The following LINGO2 variants were observed in gnomAD, a reference collection of about 807,000 sequenced individuals.
LINGO2 encodes leucine rich repeat and Ig domain containing 2, also known as leucine-rich repeat and immunoglobulin-like domain-containing nogo receptor-interacting protein 2.
A neutral mutation model predicts 30.6 loss-of-function variants in LINGO2; 14 were observed. That is an observed-to-expected ratio of 0.46 (90% CI 0.30 to 0.72). The LOEUF is 0.72. LINGO2 is among the 30% of genes least tolerant of loss of function. LINGO2 has a pLI of 0.07. For synonymous variants in LINGO2, 317 were observed against 288.5 expected, an observed-to-expected ratio of 1.10 and a Z score of -1.00; for missense variants, 729 against 751.7, an observed-to-expected ratio of 0.97 and a Z score of 0.35.
the LINGO2 span, among the ~76,000 whole-genome samples, chr9:28,777,530 A>T: frequency 1.3e-5 from 2 of 152,214 alleles, no homozygotes; most frequent in East Asian, 3.9e-4. Flanking sequence ...TGTAGCTCAA[A>T]CTGTGTGCCA....
At chr9:28,805,844 G>GA in the LINGO2 span, among the ~76,000 whole-genome samples, 2 of 151,718 alleles carry the variant, frequency 1.3e-5, no homozygotes, top group African/African-American at 4.8e-5. Flanking sequence ...ATGGGTTTTG[G>GA]AAAAAGTACC....
At chr9:28,049,766 A>G (rs1173900900) in intron 4 of LINGO2, among the ~76,000 whole-genome samples, 4 of 150,452 alleles carry the variant, frequency 2.7e-5, no homozygotes, top group African/African-American at 2.5e-5. Context: ...AACCAAGTAC[A>G]AGGTGGGATG....
chr9:28,118,053 G>A lies in LINGO2; in HGVS notation c.-86-105648C>T, dbSNP rs116428643. 6.9e-3 allele frequency among the ~76,000 whole-genome samples: 1,051 copies of A among 152,156 alleles called. 10 individuals are homozygous for A. Among genetic ancestry groups the A allele is most frequent in the African/African-American group, 0.024 (994 of 41,496 alleles). On this transcript the variant is annotated intron_variant, in intron 4 of 5. Transcript: ENST00000379992. ...AAATAAGAACACATGGACATAGGGA[G>A]GGGAACAACACACAGTGGGGCCTGT...
intron 1 of LINGO2, among the ~76,000 whole-genome samples, chr9:28,588,460 A>G (rs1248862404): frequency 6.6e-6 from 1 of 151,908 alleles, no homozygotes; most frequent in East Asian, 1.9e-4. Context: ...ATTATAAGAC[A>G]TGAAGTCCTA....
the LINGO2 span, among the ~76,000 whole-genome samples, chr9:28,865,953 A>C: frequency 3.3e-5 from 5 of 152,160 alleles, no homozygotes; most frequent in Admixed American, 3.3e-4. Context: ...TCTTGTTGCT[A>C]TTCTTTCACT....
At chr9:28,205,122 G>A (rs1163010394) in intron 4 of LINGO2, among the ~76,000 whole-genome samples, 1 of 152,160 alleles carries the variant, frequency 6.6e-6, no homozygotes, top group African/African-American at 2.4e-5. Flanking sequence ...AAATTATCAG[G>A]ACCCTGTCTA....
chr9:28,557,387 C>T (rs1360803243), intron 1 of LINGO2, among the ~76,000 whole-genome samples: 1 of 152,020 alleles, frequency 6.6e-6, no homozygotes, highest in African/African-American at 2.4e-5. Context: ...CCAACAGACA[C>T]ATGAAAAAAT....
chr9:29,170,700 A>G, the LINGO2 span, among the ~76,000 whole-genome samples: 1 of 152,184 alleles, frequency 6.6e-6, no homozygotes, highest in Non-Finnish European at 1.5e-5. Context: ...ATTACTATTC[A>G]TGACATACAA....
rs1824684395 is a variant in LINGO2 at position 28,051,741 on chromosome 9, C to CCA, written c.-86-39338_-86-39337dup. Among the ~76,000 whole-genome samples, 4 of 152,126 alleles carry CCA rather than the reference C, an allele frequency of 2.6e-5. No individual in the cohort carries two copies. In the South Asian group the frequency reaches 8.3e-4, roughly 32 times the overall value. On this transcript the variant is annotated intron_variant, in intron 4 of 5. Transcript: ENST00000379992. ...TTTTGTTCTATTTTACTGCTTCTTTCCAATAACTCAGCATCACTGGAATTT... is the reference window on the plus strand; with the variant it reads ...TTTTGTTCTATTTTACTGCTTCTTTCCACAATAACTCAGCATCACTGGAATTT...
chr9:29,163,044 C>T, the LINGO2 span, among the ~76,000 whole-genome samples: 3 of 152,138 alleles, frequency 2.0e-5, no homozygotes, highest in Admixed American at 1.3e-4. Flanking sequence ...ATTTCCCCCT[C>T]AGTATAAAAC....
At chr9:28,226,642 G>GAAA (rs1554690199) in intron 4 of LINGO2, among the ~76,000 whole-genome samples, 238 of 53,220 alleles carry the variant, frequency 4.5e-3, no homozygotes, top group South Asian at 9.4e-3. Flanking sequence ...AAGGAAAGAA[G>GAAA]GAAAGAAAGA....
the LINGO2 span, among the ~76,000 whole-genome samples, chr9:29,078,878 C>A: frequency 6.6e-6 from 1 of 151,746 alleles, no homozygotes; most frequent in African/African-American, 2.4e-5. Flanking sequence ...TTCCTAGGAT[C>A]AAGGCTGAAT....
At chr9:28,168,300 T>A (rs1416376760) in intron 4 of LINGO2, among the ~76,000 whole-genome samples, 1 of 152,192 alleles carries the variant, frequency 6.6e-6, no homozygotes, top group Non-Finnish European at 1.5e-5. Flanking sequence ...GAAGCAGGAA[T>A]TATGTCTTAT....
chr9:27,991,766 T>G lies in LINGO2; in HGVS notation c.-36+20589A>C, dbSNP rs140450971. 9.3e-4 allele frequency among the ~76,000 whole-genome samples: 141 copies of G among 152,146 alleles called. 1 individual carries two copies. Among genetic ancestry groups the G allele is most frequent in the African/African-American group, 3.2e-3 (131 of 41,522 alleles). ...CATTTTAGAAGACAAAAGTGAGAAA[T>G]ATGCATTATTTTATGTCAGAGGAAG... On this transcript the variant is annotated intron_variant, in intron 5 of 5. Transcript: ENST00000379992.
At chr9:29,016,480 C>G in the LINGO2 span, among the ~76,000 whole-genome samples, 1 of 152,086 alleles carries the variant, frequency 6.6e-6, no homozygotes, top group East Asian at 1.9e-4. Context: ...TCTCTTTCAA[C>G]CTTTTACCAC....
At chr9:28,350,283 CA>C (rs1819805267) in intron 3 of LINGO2, among the ~76,000 whole-genome samples, 1 of 140,422 alleles carries the variant, frequency 7.1e-6, no homozygotes, top group Non-Finnish European at 1.5e-5. Flanking sequence ...CACATAGGCT[CA>C]AAATAAAAGG....
At chr9:27,956,086 G>A (rs1162939465) in intron 5 of LINGO2, among the ~76,000 whole-genome samples, 2 of 151,724 alleles carry the variant, frequency 1.3e-5, no homozygotes, top group South Asian at 2.1e-4. Context: ...ATCACAAGGC[G>A]TGCGCCACCA....
intron 1 of LINGO2, among the ~76,000 whole-genome samples, chr9:28,659,786 G>T (rs1359911695): frequency 2.0e-5 from 3 of 152,042 alleles, no homozygotes; most frequent in Non-Finnish European, 4.4e-5. Flanking sequence ...GATGACCAGA[G>T]TCCAGTGTCG....
At chr9:28,231,881 G>A (rs972022170) in intron 4 of LINGO2, among the ~76,000 whole-genome samples, 3 of 151,848 alleles carry the variant, frequency 2.0e-5, no homozygotes, top group Admixed American at 6.6e-5. Context: ...TTAAAAAAAG[G>A]ATACTTCCTA....
Sources: allele counts gnomAD v4.1 joint callset (sites outside exome capture counted in the v4.1 genomes callset), GRCh38; gene constraint gnomAD v4.1.1; transcripts MANE v1.5; gene names NCBI Gene and HGNC (gene_info 2026-07-23, HGNC 2026-07-21).